Variants in PCDHA5 observed in about 807,000 individuals in gnomAD.
PCDHA5 encodes the protein protocadherin alpha-5.
In PCDHA5, 43 loss-of-function variants were observed where a neutral mutation model predicts 61.6. The observed-to-expected ratio is 0.70, with a 90% CI of 0.55 to 0.90. The LOEUF (loss-of-function observed/expected upper bound fraction) is 0.90, where lower values mean the gene tolerates loss of function less well. Ranked by LOEUF, PCDHA5 falls within the 40% of genes least tolerant of loss-of-function variation. The pLI is 0.00. For missense variants in PCDHA5, 1,298 were observed against 1,222.7 expected (o/e 1.06, Z -0.92); for synonymous variants, 627 against 543.9 (o/e 1.15, Z -2.13).
chr5:140,969,051 A>T (rs908108421), intron 1 of PCDHA5: 3 of 1,614,062 alleles, frequency 1.9e-6, no homozygotes, highest in Non-Finnish European at 1.7e-6. Context: ...CAAGCCAACA[A>T]CAATATTGAT....
At chr5:140,877,091 C>G (rs782722834) in intron 1 of PCDHA5, 2 of 1,613,252 alleles carry the variant, frequency 1.2e-6, no homozygotes, top group African/African-American at 1.3e-5. Flanking sequence ...GCGCGCGACG[C>G]CGGCGTGCCG....
chr5:140,891,820 G>A (rs1341896388), intron 1 of PCDHA5, among the ~76,000 whole-genome samples: 1 of 152,102 alleles, frequency 6.6e-6, no homozygotes, highest in African/African-American at 2.4e-5. Context: ...TAAATTAACG[G>A]CACTGTAAAA....
intron 1 of PCDHA5, chr5:140,884,420 T>A: frequency 1.2e-6 from 2 of 1,613,972 alleles, no homozygotes; most frequent in Non-Finnish European, 8.5e-7. Context: ...GTTGCTGCTG[T>A]ATACTGCGCT....
At chr5:140,839,706 G>A (rs2150300101) in intron 1 of PCDHA5, among the ~76,000 whole-genome samples, 1 of 152,134 alleles carries the variant, frequency 6.6e-6, no homozygotes, top group South Asian at 2.1e-4. Context: ...ATAATGTGAT[G>A]ACAAATTTAA....
rs187034758 is a variant in PCDHA5 at position 140,897,376 on chromosome 5, C to G, written c.2352+73249C>G. 8.0e-3 allele frequency among the ~76,000 whole-genome samples: 1,079 copies of G among 134,538 alleles called. 8 individuals are homozygous for G. Among genetic ancestry groups the G allele is most frequent in the Non-Finnish European group, 0.013 (863 of 65,384 alleles). 88.3% of individuals were successfully genotyped at this position (134,538 alleles called of 152,430 possible). A position where few individuals can be genotyped will look rare whatever the true frequency, so the allele number is the denominator to read the frequency against. ...TGTCCCCAGAGTGTGATGTTCCCTT[C>G]CCCTTCCTGTGTCCATGTGTTCTCA... On this transcript the variant is annotated intron_variant, in intron 1 of 3. Coordinates refer to ENST00000529859, the MANE Select transcript of PCDHA5 (RefSeq NM_018908.3).
intron 1 of PCDHA5, among the ~76,000 whole-genome samples, chr5:140,976,409 G>C (rs1208759254): frequency 6.6e-6 from 1 of 152,064 alleles, no homozygotes; most frequent in African/African-American, 2.4e-5. Flanking sequence ...AAATTAGCCA[G>C]GTACGGTGGC....
At chr5:140,988,501 A>G (rs966150033) in intron 3 of PCDHA5, among the ~76,000 whole-genome samples, 3 of 152,164 alleles carry the variant, frequency 2.0e-5, no homozygotes, top group Non-Finnish European at 2.9e-5. Context: ...AGGAGAAGCC[A>G]TGAAGCTTAC....
At position 140,884,430 on chromosome 5, in the gene PCDHA5, T is replaced by G. The variant is rs1554181548; in HGVS notation, c.2352+60303T>G. The G allele has an allele frequency of 2.5e-6, 4 of 1,613,804 alleles. No homozygotes were observed. The African/African-American group carries it at 4.0e-5, about 16-fold the overall frequency. ...CTCACGTTGCTGCTGTATACTGCGC[T>G]GCGGTGCTCGGCACCGCCCACCGAG... On this transcript the variant is annotated intron_variant, in intron 1 of 3. Transcript: ENST00000529859.
At chr5:140,926,788 G>A in intron 1 of PCDHA5, 26 of 1,427,398 alleles carry the variant, frequency 1.8e-5, no homozygotes, top group Non-Finnish European at 2.4e-5. Flanking sequence ...ACGGCCGGCA[G>A]GAGCGTGCTC....
rs1167217103 is a variant in PCDHA5, at chr5:140,852,143, C to G, written c.2352+28016C>G. 4 of 873,950 alleles carry G rather than the reference C, an allele frequency of 4.6e-6. No individual in the cohort carries two copies. The African/African-American group carries it at 7.3e-5, about 16-fold the overall frequency. 54.1% of individuals were successfully genotyped at this position (873,950 alleles called of 1,614,324 possible). A position where few individuals can be genotyped will look rare whatever the true frequency, so the allele number is the denominator to read the frequency against. ...AATTAAAAACTCAGTAGAGAAAGAT[C>G]AGAATGGCCTTGAGAATAGAGCCAC... is the stretch of plus-strand genomic sequence containing the variant. On this transcript the variant is annotated intron_variant, in intron 1 of 3. Transcript: ENST00000529859.
At chr5:140,884,068 T>A (rs1554181200) in intron 1 of PCDHA5, 1 of 1,613,416 alleles carries the variant, frequency 6.2e-7, no homozygotes. Context: ...TGGACGCCGA[T>A]TCGGGCTACA....
chr5:140,850,170 AACG>A (rs2150470514), intron 1 of PCDHA5: 1 of 1,594,520 alleles, frequency 6.3e-7, no homozygotes, highest in Non-Finnish European at 8.6e-7. Context: ...GCTGGACGAG[AACG>A]ACAATGCGCC....
intron 1 of PCDHA5, among the ~76,000 whole-genome samples, chr5:140,941,438 C>G (rs1408570275): frequency 6.6e-6 from 1 of 150,766 alleles, no homozygotes; most frequent in East Asian, 1.9e-4. Flanking sequence ...GCCTCAGCCT[C>G]GGGAGTAGCT....
Position 140,884,220 on chromosome 5 carries a change from T to G in PCDHA5, c.2352+60093T>G, listed in dbSNP as rs1469726535. 4 of 1,613,408 alleles carry G rather than the reference T, an allele frequency of 2.5e-6. No homozygotes were observed. The highest frequency in any genetic ancestry group is 3.4e-6 in the Non-Finnish European group (4 of 1,179,728). On this transcript the variant is annotated intron_variant, in intron 1 of 3. Transcript: ENST00000529859. ...CCGCACCACCGCCTTCTGGTGCTGG[T>G]GAAGGACCACGGTGAGCCCGCGCTG...
At chr5:140,992,950 C>T (rs1435932636) in intron 3 of PCDHA5, among the ~76,000 whole-genome samples, 1 of 152,216 alleles carries the variant, frequency 6.6e-6, no homozygotes, top group East Asian at 1.9e-4. Context: ...GAGATTAAAT[C>T]ACCCCTTATA....
intron 1 of PCDHA5, among the ~76,000 whole-genome samples, chr5:140,977,051 G>T (rs2096743579): frequency 6.6e-6 from 1 of 152,178 alleles, no homozygotes; most frequent in South Asian, 2.1e-4. Flanking sequence ...GTTGCTGATG[G>T]ACTAGTATAG....
chr5:140,992,822 T>G (rs560336634), intron 3 of PCDHA5, among the ~76,000 whole-genome samples: 6 of 152,240 alleles, frequency 3.9e-5, no homozygotes, highest in Admixed American at 3.3e-4. Flanking sequence ...GATGTGTTTG[T>G]TTTTTGGGAA....
rs1554146072 is a variant in PCDHA5 at position 140,852,730 on chromosome 5, T to G, written c.2352+28603T>G. On this transcript the variant is annotated intron_variant, in intron 1 of 3. Coordinates refer to ENST00000529859, the MANE Select transcript of PCDHA5 (RefSeq NM_018908.3). ...TTTGTCTTTGCACGTTTTTCAAGTT[T>G]CATGTGCCATTTAAACTTGGACCCA... 29 of 983,856 alleles carry G rather than the reference T, an allele frequency of 2.9e-5. 3 individuals carry two copies. The highest frequency in any genetic ancestry group is 3.6e-5 in the Non-Finnish European group (29 of 816,252). The allele number at this position is 983,856 out of a possible 1,614,324, so 60.9% of individuals were successfully genotyped here.
At chr5:140,972,749 C>T (rs6899060) in intron 1 of PCDHA5, among the ~76,000 whole-genome samples, 3,772 of 151,356 alleles carry the variant, frequency 0.025, 151 homozygotes, top group African/African-American at 0.085. Flanking sequence ...CTGCAACCTC[C>T]GCCTCCCAAG....
Sources: allele counts gnomAD v4.1 joint callset (sites outside exome capture counted in the v4.1 genomes callset), GRCh38; gene constraint gnomAD v4.1.1; transcripts MANE v1.5; gene names NCBI Gene and HGNC (gene_info 2026-07-23, HGNC 2026-07-21).